Variants in OOEP observed in about 807,000 individuals in gnomAD.
OOEP encodes the protein oocyte-expressed protein homolog.
Under a neutral mutation model 13.7 loss-of-function variants are expected in OOEP, and 16 were observed. That is an observed-to-expected ratio of 1.16 (90% CI 0.79 to 1.77). OOEP has a LOEUF of 1.77. Ranked by LOEUF, OOEP falls within the 40% of genes most tolerant of loss-of-function variation. The pLI is 0.00. For missense variants in OOEP, 195 were observed against 193.1 expected (o/e 1.01, Z -0.06); for synonymous variants, 89 against 77.1 (o/e 1.15, Z -0.81).
intron 1 of OOEP, chr6:73,394,642 G>T (rs1375003826): frequency 2.9e-4 from 156 of 547,366 alleles, no homozygotes; most frequent in Non-Finnish European, 3.3e-5. Flanking sequence ...GGGGCACATC[G>T]ACTACTTCAA....
chr6:73,378,637 T>C (rs1007703579), intron 2 of OOEP, among the ~76,000 whole-genome samples: 3 of 151,852 alleles, frequency 2.0e-5, no homozygotes, highest in African/African-American at 7.3e-5. Context: ...CCAAGGCAAG[T>C]GGATCCCTTG....
intron 2 of OOEP, among the ~76,000 whole-genome samples, chr6:73,384,031 G>A (rs940776760): frequency 6.6e-6 from 1 of 152,190 alleles, no homozygotes; most frequent in Non-Finnish European, 1.5e-5. Context: ...AGGAGGTCAA[G>A]GCTGCAGTGA....
At chr6:73,375,118 C>T (rs1331061249) in intron 2 of OOEP, among the ~76,000 whole-genome samples, 1 of 152,194 alleles carries the variant, frequency 6.6e-6, no homozygotes, top group African/African-American at 2.4e-5. Context: ...TGAGCCACCA[C>T]ACCCAGCCAA....
At chr6:73,377,569 T>A (rs1769153365) in intron 2 of OOEP, among the ~76,000 whole-genome samples, 1 of 152,238 alleles carries the variant, frequency 6.6e-6, no homozygotes, top group African/African-American at 2.4e-5. Context: ...ATTTGTGGCC[T>A]CAAAATTAAC....
upstream of OOEP, among the ~76,000 whole-genome samples, chr6:73,374,187 AAAAAT>A (rs1769102838): frequency 6.6e-6 from 1 of 152,138 alleles, no homozygotes; most frequent in South Asian, 2.1e-4. Context: ...CCATCTCTAA[AAAAAT>A]AAAATAAAGA....
Position 73,368,627 on chromosome 6 carries a change from G to A in OOEP, c.*157C>T, listed in dbSNP as rs996448102. 3.4e-6 allele frequency: 2 copies of A among 592,098 alleles called. No homozygotes were observed. The highest frequency in any genetic ancestry group is 5.6e-5 in the East Asian group (2 of 35,760). The allele number at this position is 592,098 out of a possible 1,614,324, so 36.7% of individuals were successfully genotyped here. ...TGGCAAAATAGCCATTTCTTTATTA[G>A]AATAGTTCAAACTCACTCTTGCAAC... On this transcript the variant is annotated 3_prime_UTR_variant, in exon 3 of 3. Coordinates refer to ENST00000370359, the MANE Select transcript of OOEP (RefSeq NM_001080507.3).
chr6:73,383,405 G>A (rs1415338393), intron 2 of OOEP, among the ~76,000 whole-genome samples: 4 of 152,190 alleles, frequency 2.6e-5, no homozygotes, highest in Admixed American at 6.5e-5. Flanking sequence ...GTAGGCCGAG[G>A]TGGGTGGATC....
chr6:73,392,946 T>G (rs2150784460), intron 2 of OOEP, among the ~76,000 whole-genome samples: 1 of 151,874 alleles, frequency 6.6e-6, no homozygotes, highest in South Asian at 2.1e-4. Context: ...TTTTGCATTT[T>G]TATTAGAGAT....
intron 2 of OOEP, among the ~76,000 whole-genome samples, chr6:73,375,391 A>T (rs1769123582): frequency 6.6e-6 from 1 of 152,054 alleles, no homozygotes; most frequent in African/African-American, 2.4e-5. Context: ...CAGCCTGGGC[A>T]GCATAAGGAG....
chr6:73,391,635 TA>T (rs1388379513), intron 2 of OOEP: 2 of 154,848 alleles, frequency 1.3e-5, no homozygotes, highest in African/African-American at 4.8e-5. Context: ...ATAACCCTTC[TA>T]TTCTTCACCT....
At chr6:73,378,492 C>T (rs989415058) in intron 2 of OOEP, among the ~76,000 whole-genome samples, 2 of 152,118 alleles carry the variant, frequency 1.3e-5, no homozygotes, top group African/African-American at 2.4e-5. Flanking sequence ...CATGGTGGCT[C>T]ATGCCTGATC....
At chr6:73,380,246 CTTTTTTTTT>C (rs774497914) in intron 2 of OOEP, among the ~76,000 whole-genome samples, 1 of 126,916 alleles carries the variant, frequency 7.9e-6, no homozygotes, top group Non-Finnish European at 1.7e-5. Context: ...TTCCAAAATT[CTTTTTTTTT>C]TTTTTTTTTT....
chr6:73,372,156 A>G (rs975226270), upstream of OOEP, among the ~76,000 whole-genome samples: 1 of 152,196 alleles, frequency 6.6e-6, no homozygotes, highest in African/African-American at 2.4e-5. Context: ...ACGCACTTAC[A>G]TTACTGTAGA....
chr6:73,371,652 A>G (rs1251709422), upstream of OOEP, among the ~76,000 whole-genome samples: 1 of 152,120 alleles, frequency 6.6e-6, no homozygotes, highest in Non-Finnish European at 1.5e-5. Flanking sequence ...CAGGAGGCTG[A>G]GGCAGGAGAA....
upstream of OOEP, among the ~76,000 whole-genome samples, chr6:73,370,947 A>G (rs1224945061): frequency 6.6e-6 from 1 of 151,644 alleles, no homozygotes; most frequent in Non-Finnish European, 1.5e-5. Flanking sequence ...ACACCCAGCT[A>G]TTTTCCAGCT....
intron 2 of OOEP, among the ~76,000 whole-genome samples, chr6:73,382,044 C>G (rs1582627867): frequency 1.3e-5 from 2 of 151,832 alleles, no homozygotes; most frequent in African/African-American, 4.8e-5. Flanking sequence ...TTTTGTTTTT[C>G]TTTTTGGTTT....
chr6:73,386,268 AT>A, intron 2 of OOEP, among the ~76,000 whole-genome samples: 2 of 151,726 alleles, frequency 1.3e-5, no homozygotes, highest in South Asian at 4.2e-4. Flanking sequence ...CTAGTTTTGT[AT>A]TTTTAGTAGA....
chr6:73,377,918 T>G (rs1769156132), intron 2 of OOEP, among the ~76,000 whole-genome samples: 1 of 152,116 alleles, frequency 6.6e-6, no homozygotes, highest in Non-Finnish European at 1.5e-5. Context: ...CAAGCGAGCC[T>G]TCTACCTTGG....
Position 73,394,771 on chromosome 6 carries a change from GC to G in OOEP, c.-172del, listed in dbSNP as rs1452257566. ...GAAGTGGGCGGGATAGAGAGCGTGGGCGGGGGGGCTAGCCTCGTGCGGGCTC... is the reference window on the plus strand; with the variant it reads ...GAAGTGGGCGGGATAGAGAGCGTGGGGGGGGGGCTAGCCTCGTGCGGGCTC... On this transcript the variant is annotated 5_prime_UTR_variant, in exon 1 of 4. Coordinates refer to the OOEP transcript ENST00000370363. 3 of 1,259,878 alleles carry G rather than the reference GC, an allele frequency of 2.4e-6. No homozygotes were observed. The Admixed American group carries it at 7.8e-5, about 33-fold the overall frequency. 78.0% of individuals were successfully genotyped at this position (1,259,878 alleles called of 1,614,324 possible).
Sources: gnomAD v4.1 joint callset for allele counts (sites outside exome capture counted in the v4.1 genomes callset) on GRCh38, gnomAD v4.1.1 for gene constraint, MANE v1.5 for transcripts, NCBI Gene and HGNC (gene_info 2026-07-23, HGNC 2026-07-21) for gene names.